The following AGBL1 variants were observed in gnomAD, a reference collection of about 807,000 sequenced individuals.
The protein encoded by AGBL1 is AGBL carboxypeptidase 1.
In AGBL1, 130 loss-of-function variants were observed where a neutral mutation model predicts 118.9. The ratio of observed to expected loss-of-function variants is 1.09; its 90% confidence interval spans 0.95 to 1.26. AGBL1 has a LOEUF of 1.26. AGBL1 is among the 50% of genes most tolerant of loss of function. The probability of loss-of-function intolerance (pLI) is 0.00; values close to 1 mark genes in which losing one functional copy is unlikely to be tolerated. For synonymous variants in AGBL1, 555 were observed against 478.9 expected (o/e 1.16, Z -2.08); for missense variants, 1,584 against 1,298.1 (o/e 1.22, Z -3.38).
intron 6 of AGBL1, among the ~76,000 whole-genome samples, chr15:86,239,311 T>A (rs888106793): frequency 1.3e-5 from 2 of 152,244 alleles, no homozygotes; most frequent in African/African-American, 4.8e-5. Context: ...GTATCTATTT[T>A]ACAAAGAGAA....
At chr15:86,632,293 G>C (rs1359622795) in intron 21 of AGBL1, among the ~76,000 whole-genome samples, 3 of 103,820 alleles carry the variant, frequency 2.9e-5, no homozygotes, top group Non-Finnish European at 6.3e-5. Flanking sequence ...AAAAAAAAAA[G>C]GCTGGCCAGG....
intron 22 of AGBL1, among the ~76,000 whole-genome samples, chr15:86,776,187 G>C (rs978633080): frequency 2.6e-5 from 4 of 152,128 alleles, no homozygotes; most frequent in African/African-American, 9.6e-5. Context: ...TATGCTCATT[G>C]CATAGATGAT....
At chr15:86,152,368 A>C (rs1475738754) in intron 3 of AGBL1, among the ~76,000 whole-genome samples, 1 of 152,212 alleles carries the variant, frequency 6.6e-6, no homozygotes, top group African/African-American at 2.4e-5. Context: ...CCACACATCT[A>C]CAACGATCTG....
intron 17 of AGBL1, among the ~76,000 whole-genome samples, chr15:86,380,142 A>G (rs1171424262): frequency 6.6e-6 from 1 of 152,076 alleles, no homozygotes; most frequent in Admixed American, 6.5e-5. Flanking sequence ...AAAACTGACG[A>G]CCAAAAAATT....
At chr15:86,546,666 A>G (rs747503035) in intron 20 of AGBL1, among the ~76,000 whole-genome samples, 3 of 152,208 alleles carry the variant, frequency 2.0e-5, no homozygotes, top group Non-Finnish European at 2.9e-5. Flanking sequence ...TAAAAAGCAG[A>G]TCAGTAATCC....
chr15:86,191,367 AAAAG>A (rs2077718139), intron 5 of AGBL1, among the ~76,000 whole-genome samples: 2 of 150,078 alleles, frequency 1.3e-5, no homozygotes, highest in African/African-American at 4.9e-5. Context: ...AAAAAAAAAA[AAAAG>A]AGAGAGAGAG....
At chr15:86,884,482 A>G (rs2079941563) in intron 22 of AGBL1, among the ~76,000 whole-genome samples, 1 of 152,248 alleles carries the variant, frequency 6.6e-6, no homozygotes, top group East Asian at 1.9e-4. Flanking sequence ...AACTGTAGAT[A>G]AAAGGAGACT....
At chr15:86,297,838 A>G (rs934646783) in intron 17 of AGBL1, among the ~76,000 whole-genome samples, 5 of 152,080 alleles carry the variant, frequency 3.3e-5, no homozygotes, top group African/African-American at 4.8e-5. Flanking sequence ...CCACACACAC[A>G]ACAAACGTGC....
At chr15:86,927,759 T>G (rs541143187) in intron 23 of AGBL1, among the ~76,000 whole-genome samples, 1 of 152,196 alleles carries the variant, frequency 6.6e-6, no homozygotes, top group South Asian at 2.1e-4. Flanking sequence ...ATGTCAATCA[T>G]TGTGTCTGCT....
At chr15:86,136,508 T>C (rs756961751) in intron 1 of AGBL1, among the ~76,000 whole-genome samples, 13 of 152,208 alleles carry the variant, frequency 8.5e-5, no homozygotes, top group African/African-American at 2.6e-4. Context: ...TAATGGGGGC[T>C]GGGAAGGCAG....
At chr15:86,445,682 T>G (rs912952067) in intron 18 of AGBL1, among the ~76,000 whole-genome samples, 1 of 152,180 alleles carries the variant, frequency 6.6e-6, no homozygotes, top group Admixed American at 6.5e-5. Flanking sequence ...CTGTGGATGA[T>G]TTTTCCCTCC....
At chr15:86,925,703 C>A (rs2080529278) in intron 23 of AGBL1, among the ~76,000 whole-genome samples, 1 of 143,436 alleles carries the variant, frequency 7.0e-6, no homozygotes, top group African/African-American at 2.6e-5. Flanking sequence ...TTTCTTTTTT[C>A]TTTTTCTTTT....
intron 22 of AGBL1, among the ~76,000 whole-genome samples, chr15:86,803,743 T>C (rs2078681284): frequency 6.6e-6 from 1 of 152,158 alleles, no homozygotes; most frequent in African/African-American, 2.4e-5. Flanking sequence ...TATAGTGCAG[T>C]GGTCCTCAAC....
chr15:86,513,040 C>G (rs1046952317), intron 18 of AGBL1, among the ~76,000 whole-genome samples: 1 of 151,748 alleles, frequency 6.6e-6, no homozygotes, highest in African/African-American at 2.4e-5. Context: ...ATATCTTTCA[C>G]CCAGCTTACC....
chr15:86,462,005 G>A (rs776128319), intron 18 of AGBL1, among the ~76,000 whole-genome samples: 37 of 152,122 alleles, frequency 2.4e-4, no homozygotes, highest in Non-Finnish European at 2.6e-4. Flanking sequence ...TAGCTCTGTG[G>A]TATTCCTTTT....
rs985917131 is a variant in AGBL1, at chr15:86,154,617, A to T, written c.394+56A>T. On this transcript the variant is annotated intron_variant, in intron 4 of 22. Coordinates refer to ENST00000614907, the MANE Select transcript of AGBL1 (RefSeq NM_001386094.1). ...GGCTTCCAAACCTGGGCTGGGACAC[A>T]TGGAAACTGCATGAGGGTCTGGTTG... 37 of 1,555,576 alleles carry T rather than the reference A, an allele frequency of 2.4e-5. No homozygotes were observed. In the Middle Eastern group the frequency reaches 6.8e-4, roughly 28 times the overall value.
At chr15:86,477,046 A>C (rs2082570286) in intron 18 of AGBL1, among the ~76,000 whole-genome samples, 2 of 152,348 alleles carry the variant, frequency 1.3e-5, no homozygotes, top group East Asian at 1.9e-4. Flanking sequence ...GAACAAACAC[A>C]CAACATACCA....
At chr15:86,224,893 C>G (rs771391025) in intron 5 of AGBL1, 21 bp from the exon 6 acceptor site, 64 of 1,612,598 alleles carry the variant, frequency 4.0e-5, no homozygotes, top group Non-Finnish European at 5.2e-5. Context: ...TTGACTGTTA[C>G]TTTTCTTTCT....
At chr15:86,948,160 G>A (rs2080845133) in intron 23 of AGBL1, among the ~76,000 whole-genome samples, 1 of 152,084 alleles carries the variant, frequency 6.6e-6, no homozygotes, top group African/African-American at 2.4e-5. Flanking sequence ...CCTGACTTGG[G>A]GGGAGGAGGT....
Sources: allele counts gnomAD v4.1 joint callset (sites outside exome capture counted in the v4.1 genomes callset), GRCh38; gene constraint gnomAD v4.1.1; transcripts MANE v1.5; gene names NCBI Gene and HGNC (gene_info 2026-07-23, HGNC 2026-07-21).